ERBB2: variants seen among roughly 807,000 people sequenced by gnomAD.
The protein encoded by ERBB2 is receptor tyrosine-protein kinase erbB-2.
Under a neutral mutation model 149.0 loss-of-function variants are expected in ERBB2, and 61 were observed. That is an observed-to-expected ratio of 0.41 (90% CI 0.33 to 0.51). The LOEUF is 0.51. Among genes scored for constraint, ERBB2 ranks in the 20% least tolerant of loss-of-function variants. The probability of loss-of-function intolerance (pLI) is 0.25; values close to 1 mark genes in which losing one functional copy is unlikely to be tolerated. For synonymous variants in ERBB2, 633 were observed against 678.8 expected (o/e 0.93, Z 1.05); for missense variants, 1,205 against 1,655.1 (o/e 0.73, Z 4.72).
chr17:39,696,975 C>T (rs1383333221), upstream of ERBB2, among the ~76,000 whole-genome samples: 1 of 152,188 alleles, frequency 6.6e-6, no homozygotes, highest in Non-Finnish European at 1.5e-5. Context: ...GCCAGGTCAG[C>T]GCATCCTCTT....
At chr17:39,713,099 CTG>C (rs1485405512) in intron 9 of ERBB2, 1 of 152,378 alleles carries the variant, frequency 6.6e-6, no homozygotes, top group African/African-American at 2.4e-5. Flanking sequence ...ACTCATCAAA[CTG>C]TGTGATAAGA....
Position 39,727,715 on chromosome 17 carries a change from C to T in ERBB2, c.3439C>T (p.Pro1147Ser), listed in dbSNP as rs2143288950. Residue 1147 changes from proline to serine, a missense_variant, in exon 27 of 27, where the codon CCC (proline) becomes TCC (serine). Pro to Ser is a moderately conservative substitution (Grantham distance 74, BLOSUM62 -1). Around this residue, in one of 6 missense-constraint regions of ERBB2, gnomAD observed 312 missense variants for 343.8 expected, o/e 0.91. Coordinates refer to ENST00000269571, the MANE Select transcript of ERBB2 (RefSeq NM_004448.4). The surrounding 1 kb of genome is among the most constrained non-coding windows in gnomAD (Gnocchi z 4.3). ...PEYVNQPDVRPQPPSPREGPL... is the reference protein window; with the variant it reads ...PEYVNQPDVRSQPPSPREGPL... ...ATATGTGAACCAGCCAGATGTTCGG[C>T]CCCAGCCCCCTTCGCCCCGAGAGGG... The T allele has an allele frequency of 6.4e-7, 1 of 1,566,100 alleles. No individual in the cohort carries two copies. Among genetic ancestry groups the T allele is most frequent in the Non-Finnish European group, 8.7e-7 (1 of 1,155,766 alleles).
At position 39,727,777 on chromosome 17, in the gene ERBB2, G is replaced by A. The variant is rs749807221; in HGVS notation, c.3501G>A (p.Leu1167=). The A allele has an allele frequency of 1.2e-6, 2 of 1,610,082 alleles. No individual in the cohort carries two copies. The highest frequency in any genetic ancestry group is 1.7e-6 in the Non-Finnish European group (2 of 1,177,128). The change falls in exon 27 of 27, where the codon CTG becomes CTA. Residue 1167 remains leucine (L), a synonymous_variant. Coordinates refer to ENST00000269571, the MANE Select transcript of ERBB2 (RefSeq NM_004448.4). The surrounding 1 kb of genome is among the most constrained non-coding windows in gnomAD (Gnocchi z 4.3). ...LPAARPAGAT[L]ERPKTLSPGK... ...CTGCCCGACCTGCTGGTGCCACTCT[G>A]GAAAGGCCCAAGACTCTCTCCCCAG...
At position 39,715,725 on chromosome 17, in the gene ERBB2, A is replaced by C. The variant is rs752127365; in HGVS notation, c.1314-15A>C. On this transcript the variant is annotated splice_polypyrimidine_tract_variant and intron_variant, in intron 11 of 26. Coordinates refer to ENST00000269571, the MANE Select transcript of ERBB2 (RefSeq NM_004448.4). ...GGAAGGGGTCCGTGGTAAGGTGCCCACCTTTCTCCCATAGTGGCGCCTACT... is the reference window on the plus strand; with the variant it reads ...GGAAGGGGTCCGTGGTAAGGTGCCCCCCTTTCTCCCATAGTGGCGCCTACT... The C allele has an allele frequency of 8.1e-6, 13 of 1,605,222 alleles. No individual in the cohort carries two copies. In the South Asian group the frequency reaches 1.1e-4, roughly 14 times the overall value.
In ERBB2 at chr17:39,727,125, C is replaced by T. The variant is rs940609735; in HGVS notation, c.3159+122C>T. Reference sequence around the variant, plus strand: ...TCTCAAGGAAACCCCATTATCCCTACAAAAAATTCTTACTGCCTTCCAACC... The same window carrying T: ...TCTCAAGGAAACCCCATTATCCCTATAAAAAATTCTTACTGCCTTCCAACC... On this transcript the variant is annotated intron_variant, in intron 25 of 26. Coordinates refer to ENST00000269571, the MANE Select transcript of ERBB2 (RefSeq NM_004448.4). This position sits in a 1 kb window ranked among gnomAD's most constrained non-coding sequence, Gnocchi z 4.3. 8.0e-6 allele frequency: 10 copies of T among 1,245,188 alleles called. No individual in the cohort carries two copies. The highest frequency in any genetic ancestry group is 1.4e-5 in the South Asian group (1 of 70,030). The allele number at this position is 1,245,188 out of a possible 1,614,324, so 77.1% of individuals were successfully genotyped here.
At chr17:39,714,768 T>A (rs1239142402) in intron 9 of ERBB2, among the ~76,000 whole-genome samples, 1 of 151,626 alleles carries the variant, frequency 6.6e-6, no homozygotes, top group Non-Finnish European at 1.5e-5. Flanking sequence ...ATAAGATTTC[T>A]TTTCTTTTTT....
At chr17:39,717,528 G>C (rs2145715486) in intron 15 of ERBB2, 48 bp downstream of exon 15, 1 of 1,512,824 alleles carries the variant, frequency 6.6e-7, no homozygotes, top group South Asian at 1.2e-5. Flanking sequence ...TCCTTTCAGG[G>C]GTCTTTCTGG....
At position 39,723,208 on chromosome 17, in the gene ERBB2, C is replaced by A; in HGVS notation, c.1947-111C>A. On this transcript the variant is annotated intron_variant, in intron 16 of 26. Transcript: ENST00000269571. The surrounding 1 kb of genome is among the most constrained non-coding windows in gnomAD (Gnocchi z 6.2). ...AGAGGGTCCAAGCCTGTGGGTCACC[C>A]TTCCGACTTCCCTTTCCGAATGCCA... 8.6e-7 allele frequency: 1 copy of A among 1,167,156 alleles called. No individual in the cohort carries two copies. The highest frequency in any genetic ancestry group is 2.4e-5 in the East Asian group (1 of 42,076). The allele number at this position is 1,167,156 out of a possible 1,614,324, so 72.3% of individuals were successfully genotyped here.
At chr17:39,701,985 T>A (rs1255366609) in intron 1 of ERBB2, among the ~76,000 whole-genome samples, 1 of 152,162 alleles carries the variant, frequency 6.6e-6, no homozygotes, top group African/African-American at 2.4e-5. Flanking sequence ...GATCAGGGAA[T>A]GGCAGTTGCT....
rs1307405854 is a variant in ERBB2, at chr17:39,723,715, G to A, written c.2208+55G>A. The stretch of plus-strand genomic sequence containing the variant: ...CCAGAGGATGGGGGCGGTGCCTGGA[G>A]GGGTGTGGTCGGCAGTTCTGATGGG... On this transcript the variant is annotated intron_variant, in intron 18 of 26. Transcript: ENST00000269571. The surrounding 1 kb of genome is among the most constrained non-coding windows in gnomAD (Gnocchi z 6.2). 17 of 1,571,018 alleles carry A rather than the reference G, an allele frequency of 1.1e-5. No homozygotes were observed. Among genetic ancestry groups the A allele is most frequent in the East Asian group, 7.0e-5 (3 of 43,068 alleles).
At chr17:39,721,980 G>A (rs970358200) in intron 16 of ERBB2, among the ~76,000 whole-genome samples, 2 of 151,846 alleles carry the variant, frequency 1.3e-5, no homozygotes, top group South Asian at 2.1e-4. Context: ...GTGCAATGGC[G>A]CAGTCTTGGC....
At chr17:39,715,659 T>A in intron 11 of ERBB2, 81 bp from the exon 12 acceptor site, 2 of 1,566,760 alleles carry the variant, frequency 1.3e-6, no homozygotes, top group South Asian at 1.1e-5. Context: ...CTGCAGAGTG[T>A]GCTGGGGATG....
chr17:39,699,929 C>A (rs997974376), upstream of ERBB2: 1 of 1,029,096 alleles, frequency 9.7e-7, no homozygotes, highest in Non-Finnish European at 1.3e-6. Flanking sequence ...TGGGAGTTGC[C>A]ACTCCCAGAC....
intron 9 of ERBB2, among the ~76,000 whole-genome samples, chr17:39,713,474 G>T (rs2058933567): frequency 6.6e-6 from 1 of 151,788 alleles, no homozygotes; most frequent in Non-Finnish European, 1.5e-5. Context: ...ATTGGGGCCA[G>T]GCACGGTGGC....
At chr17:39,716,805 G>A (rs754180208) in intron 14 of ERBB2, among the ~76,000 whole-genome samples, 200 bp downstream of exon 14, 1 of 152,152 alleles carries the variant, frequency 6.6e-6, no homozygotes, top group Non-Finnish European at 1.5e-5. Flanking sequence ...ACTATGAAAA[G>A]GTTCTAAGGA....
At chr17:39,717,034 C>G (rs1237870375) in intron 14 of ERBB2, 1 of 459,350 alleles carries the variant, frequency 2.2e-6, no homozygotes, top group Non-Finnish European at 3.9e-6. Context: ...TTCTACAGAG[C>G]AGTGACTGTT....
chr17:39,708,283 T>C, intron 2 of ERBB2, 38 bp from the exon 3 acceptor site: 2 of 1,561,284 alleles, frequency 1.3e-6, no homozygotes, highest in South Asian at 2.3e-5. Flanking sequence ...GGGGTGGCAG[T>C]GTTCCTATTT....
At chr17:39,694,263 ATATATGTG>A (rs1189310025), upstream of ERBB2, among the ~76,000 whole-genome samples, 6 of 26,500 alleles carry the variant, frequency 2.3e-4, no homozygotes, top group African/African-American at 6.8e-4. Flanking sequence ...ATATATATAT[ATATATGTG>A]TGTATATATA....
Position 39,726,772 on chromosome 17 carries a change from G to A in ERBB2, c.2971-43G>A, listed in dbSNP as rs2143159631. The A allele has an allele frequency of 3.8e-6, 6 of 1,599,368 alleles. No homozygotes were observed. Among genetic ancestry groups the A allele is most frequent in the Non-Finnish European group, 5.1e-6 (6 of 1,167,328 alleles). On this transcript the variant is annotated intron_variant, in intron 24 of 26. Transcript: ENST00000269571. This position sits in a 1 kb window ranked among gnomAD's most constrained non-coding sequence, Gnocchi z 5.1. ...GGCCCCTCACGGAAGGCTGCATGCT[G>A]GGCTGGGGAGGGGCCACCATCCTGC...
Sources: allele counts gnomAD v4.1 joint callset (sites outside exome capture counted in the v4.1 genomes callset), GRCh38; gene constraint gnomAD v4.1.1; regional missense constraint gnomAD v4.1.1; non-coding constraint Gnocchi (gnomAD v3.1); transcripts MANE v1.5; gene names NCBI Gene and HGNC (gene_info 2026-07-23, HGNC 2026-07-21).